The following PFN4 variants were observed in gnomAD, a reference collection of about 807,000 sequenced individuals.
PFN4 encodes profilin-4.
A neutral mutation model predicts 16.3 loss-of-function variants in PFN4; 10 were observed. The observed-to-expected ratio is 0.61, with a 90% confidence interval of 0.38 to 1.04. The LOEUF is 1.04. Ranked by LOEUF, PFN4 falls within the 50% of genes least tolerant of loss-of-function variation. The pLI, the probability that PFN4 is intolerant of heterozygous loss-of-function variation, is 0.01. For synonymous variants in PFN4, 54 were observed against 56.9 expected, an observed-to-expected ratio of 0.95 and a Z score of 0.23; for missense variants, 136 against 153.6, an observed-to-expected ratio of 0.89 and a Z score of 0.61.
At chr2:24,123,423 C>T (rs1666191851), upstream of PFN4, 1 of 152,322 alleles carries the variant, frequency 6.6e-6, no homozygotes, top group African/African-American at 2.4e-5. Flanking sequence ...CGCCCAATCC[C>T]CTTTGGGCCT....
Position 24,114,811 on chromosome 2 carries a change from G to A in PFN4, c.*772C>T, listed in dbSNP as rs1417227109. 6.6e-6 allele frequency among the ~76,000 whole-genome samples: 1 copy of A among 152,154 alleles called. No individual in the cohort carries two copies. The highest frequency in any genetic ancestry group is 1.5e-5 in the Non-Finnish European group (1 of 68,026). ...CCTTATGGTCCAGATTATCACCTAG[G>A]AGACCAAGAGGAGATGAACTCTTTC... On this transcript the variant is annotated 3_prime_UTR_variant, in exon 5 of 5. Transcript: ENST00000313213.
chr2:24,119,727 A>G (rs1042373088), intron 3 of PFN4, 45 bp from the exon 4 acceptor site: 4 of 1,440,460 alleles, frequency 2.8e-6, no homozygotes, highest in Non-Finnish European at 3.9e-6. Context: ...GGTTCTAATC[A>G]CAGGACCAGT....
At chr2:24,120,785 C>G (rs1466257811) in intron 3 of PFN4, among the ~76,000 whole-genome samples, 1 of 152,080 alleles carries the variant, frequency 6.6e-6, no homozygotes, top group East Asian at 1.9e-4. Context: ...GAACTCCTGA[C>G]CTCAGCCTCC....
chr2:24,122,390 G>A (rs202001500), intron 2 of PFN4, 29 bp downstream of exon 2: 676 of 1,451,766 alleles, frequency 4.7e-4, no homozygotes, highest in Non-Finnish European at 6.2e-4. Flanking sequence ...AGTAAATCAA[G>A]TCTTAGGTCC....
intron 4 of PFN4, among the ~76,000 whole-genome samples, chr2:24,119,344 C>A (rs1666024529): frequency 6.6e-6 from 1 of 152,224 alleles, no homozygotes; most frequent in African/African-American, 2.4e-5. Flanking sequence ...CAGAACAAAG[C>A]TGACTCATTT....
At chr2:24,121,669 G>A (rs950970930) in intron 2 of PFN4, among the ~76,000 whole-genome samples, 4 of 152,082 alleles carry the variant, frequency 2.6e-5, no homozygotes, top group Admixed American at 2.6e-4. Flanking sequence ...CCTAATGGGA[G>A]GTATTTGGAT....
chr2:24,115,349 T>A lies in PFN4; in HGVS notation c.*234A>T. The A allele has an allele frequency of 1.9e-6, 1 of 516,952 alleles. No homozygotes were observed. The highest frequency in any genetic ancestry group is 3.3e-5 in the East Asian group (1 of 30,436). 32.0% of individuals were successfully genotyped at this position (516,952 alleles called of 1,614,324 possible). On this transcript the variant is annotated 3_prime_UTR_variant, in exon 5 of 5. Transcript: ENST00000313213. ...CTCCCAATAGATATGCTCTGTGAAATGATCAGTGCTCTCTCATTCCATGCC... is the reference window on the plus strand; with the variant it reads ...CTCCCAATAGATATGCTCTGTGAAAAGATCAGTGCTCTCTCATTCCATGCC...
Position 24,115,582 on chromosome 2 carries a change from C to G in PFN4, c.*1G>C, listed in dbSNP as rs554410006. On this transcript the variant is annotated 3_prime_UTR_variant, in exon 5 of 5. Coordinates refer to ENST00000313213, the MANE Select transcript of PFN4 (RefSeq NM_199346.3). ...ATTGTCTTTCATGGGCCTCTGATGA[C>G]TTAACTTCCTTTTTTTCTTAGGTAG... 6.2e-7 allele frequency: 1 copy of G among 1,611,922 alleles called. No individual in the cohort carries two copies. The highest frequency in any genetic ancestry group is 8.5e-7 in the Non-Finnish European group (1 of 1,179,308).
rs1335741768 is a variant in PFN4, at chr2:24,122,479, G to A, written c.57C>T (p.Asp19=). ...CCTGGATTTTGATGAGGGCTGCACTGTCCACATGCTTGGTTCCCAAGAGGG... is the reference window on the plus strand; with the variant it reads ...CCTGGATTTTGATGAGGGCTGCACTATCCACATGCTTGGTTCCCAAGAGGG... ...LDTLLGTKHV[D]SAALIKIQER... Residue 19 remains aspartate, a synonymous_variant, in exon 2 of 5, where the codon GAC becomes GAT. Coordinates refer to ENST00000313213, the MANE Select transcript of PFN4 (RefSeq NM_199346.3). The A allele has an allele frequency of 1.2e-6, 2 of 1,614,026 alleles. No homozygotes were observed. The highest frequency in any genetic ancestry group is 1.7e-6 in the Non-Finnish European group (2 of 1,180,000).
Position 24,115,569 on chromosome 2 carries a change from G to C in PFN4, c.*14C>G. Reference sequence around the variant, plus strand: ...CTAAAATAATAAAATTGTCTTTCATGGGCCTCTGATGACTTAACTTCCTTT... The same window carrying C: ...CTAAAATAATAAAATTGTCTTTCATCGGCCTCTGATGACTTAACTTCCTTT... On this transcript the variant is annotated 3_prime_UTR_variant, in exon 5 of 5. Coordinates refer to ENST00000313213, the MANE Select transcript of PFN4 (RefSeq NM_199346.3). 6.2e-7 allele frequency: 1 copy of C among 1,607,400 alleles called. No homozygotes were observed. The highest frequency in any genetic ancestry group is 8.5e-7 in the Non-Finnish European group (1 of 1,176,278).
At chr2:24,117,233 C>T (rs1354121230) in intron 4 of PFN4, among the ~76,000 whole-genome samples, 1 of 152,052 alleles carries the variant, frequency 6.6e-6, no homozygotes, top group African/African-American at 2.4e-5. Context: ...CCAGGCTGGT[C>T]TCAAACTCCT....
chr2:24,121,299 A>G lies in PFN4; in HGVS notation c.119T>C (p.Val40Ala), dbSNP rs1472862070. Residue 40 changes from valine (V) to alanine (A), a missense_variant and splice_region_variant, in exon 3 of 5, where the codon GTA becomes GCA. Physicochemically the swap from Val to Ala is moderately conservative, Grantham distance 64 (BLOSUM62 0). Coordinates refer to ENST00000313213, the MANE Select transcript of PFN4 (RefSeq NM_199346.3). ...SLCVASPGFN[V>A]TPSDVRTLVN... The stretch of plus-strand genomic sequence containing the variant: ...CAGTGTTCGGACATCACTGGGCGTT[A>G]CCTGGAGAGGTTACATGGTTAGAGC... 1 of 1,613,936 alleles carries G rather than the reference A, an allele frequency of 6.2e-7. No homozygotes were observed. The highest frequency in any genetic ancestry group is 1.7e-5 in the Admixed American group (1 of 59,990).
intron 3 of PFN4, 61 bp downstream of exon 3, chr2:24,121,102 A>C (rs1666100484): frequency 6.3e-7 from 1 of 1,594,654 alleles, no homozygotes; most frequent in East Asian, 2.2e-5. Context: ...AGGCAGAGCA[A>C]GGAAATTTGG....
At chr2:24,122,291 A>G in intron 2 of PFN4, 128 bp downstream of exon 2, 1 of 709,482 alleles carries the variant, frequency 1.4e-6, no homozygotes, top group South Asian at 1.7e-5. Context: ...ATGCCATTGC[A>G]TCCCAGGCTA....
chr2:24,120,023 C>T (rs1422110221), intron 3 of PFN4, among the ~76,000 whole-genome samples: 2 of 152,178 alleles, frequency 1.3e-5, no homozygotes, highest in Non-Finnish European at 2.9e-5. Context: ...AATCCCAGCA[C>T]TTTGGGAGGC....
At chr2:24,116,886 A>G (rs1273576507) in intron 4 of PFN4, among the ~76,000 whole-genome samples, 3 of 148,542 alleles carry the variant, frequency 2.0e-5, no homozygotes, top group Non-Finnish European at 3.0e-5. Context: ...CAAAAAAAAA[A>G]AAGAAAAAGA....
Position 24,119,698 on chromosome 2 carries a change from AAG to A in PFN4, c.256-18_256-17del. ...CAGTGTTCTCCTGTATAAAGAATAT[AAG>A]AGAATATTCTGCTCTTGGTTCTAAT... On this transcript the variant is annotated splice_polypyrimidine_tract_variant and intron_variant, in intron 3 of 4. Transcript: ENST00000313213. 13 of 1,578,212 alleles carry A rather than the reference AAG, an allele frequency of 8.2e-6. No individual in the cohort carries two copies. Among genetic ancestry groups the A allele is most frequent in the Non-Finnish European group, 1.1e-5 (13 of 1,150,548 alleles).
In PFN4 at chr2:24,121,259, G is replaced by A. The variant is rs769750405; in HGVS notation, c.159C>T (p.Ala53=). 2.5e-6 allele frequency: 4 copies of A among 1,614,086 alleles called. No homozygotes were observed. Among genetic ancestry groups the A allele is most frequent in the Non-Finnish European group, 3.4e-6 (4 of 1,180,020 alleles). ...SDVRTLVNGF[A]KNPLQARREG... Reference sequence around the variant, plus strand: ...CTCTTCGGGCTTGCAAAGGGTTCTTGGCAAATCCATTCACCAGTGTTCGGA... The same window carrying A: ...CTCTTCGGGCTTGCAAAGGGTTCTTAGCAAATCCATTCACCAGTGTTCGGA... The change falls in exon 3 of 5, where the codon GCC becomes GCT. Residue 53 remains alanine (A), a synonymous_variant. Transcript: ENST00000313213.
intron 1 of PFN4, 81 bp downstream of exon 1, chr2:24,123,037 A>G (rs918850696): frequency 2.0e-5 from 3 of 152,422 alleles, no homozygotes; most frequent in African/African-American, 7.2e-5. Flanking sequence ...CAACATCCCA[A>G]TGGACTAAAA....
Sources: allele counts gnomAD v4.1 joint callset (sites outside exome capture counted in the v4.1 genomes callset), GRCh38; gene constraint gnomAD v4.1.1; transcripts MANE v1.5; gene names NCBI Gene and HGNC (gene_info 2026-07-23, HGNC 2026-07-21).